Variants in PIPOX observed in about 807,000 individuals in gnomAD.
The protein encoded by PIPOX is pipecolic acid and sarcosine oxidase, also known as peroxisomal sarcosine oxidase.
PIPOX carries 45 observed loss-of-function variants against 47.9 expected under a neutral mutation model. The observed-to-expected ratio is 0.94, with a 90% CI of 0.74 to 1.20. PIPOX has a LOEUF of 1.20. Among genes scored for constraint, PIPOX ranks in the 50% most tolerant of loss-of-function variants. The pLI is 0.00. For missense variants in PIPOX, 458 were observed against 498.4 expected (o/e 0.92, Z 0.77); for synonymous variants, 165 against 191.3 (o/e 0.86, Z 1.13).
chr17:29,046,149 G>A (rs931371831), intron 2 of PIPOX, among the ~76,000 whole-genome samples: 2 of 152,158 alleles, frequency 1.3e-5, no homozygotes, highest in African/African-American at 4.8e-5. Context: ...ATCAGCCAGG[G>A]CAGCTAATTA....
At chr17:29,044,732 A>G (rs1473219388) in intron 1 of PIPOX, 127 bp from the exon 2 acceptor site, 1 of 980,298 alleles carries the variant, frequency 1.0e-6, no homozygotes, top group African/African-American at 1.6e-5. Context: ...ATCCTTCCCC[A>G]GATTGTGTGG....
intron 3 of PIPOX, 131 bp from the exon 4 acceptor site, chr17:29,053,282 G>A: frequency 8.5e-7 from 1 of 1,183,302 alleles, no homozygotes; most frequent in East Asian, 2.4e-5. Flanking sequence ...TGAAATATAT[G>A]CGGCTGGCCT....
Position 29,053,059 on chromosome 17 carries a change from C to T in PIPOX, c.403C>T (p.Pro135Ser). Residue 135 changes from proline (P) to serine (S), a missense_variant, in exon 3 of 8, where the codon CCC becomes TCC. By Grantham distance (74) the Pro-to-Ser change is moderately conservative. Coordinates refer to ENST00000323372, the MANE Select transcript of PIPOX (RefSeq NM_016518.3). ...GCAACGTTTCCCAAATATTCGGTTG[C>T]CCAGGGGAGAAGTGGGGCTCTTGGA... Reference protein sequence around the residue: ...LKQRFPNIRLPRGEVGLLDNS... With the variant: ...LKQRFPNIRLSRGEVGLLDNS... 6.2e-7 allele frequency: 1 copy of T among 1,614,232 alleles called. No individual in the cohort carries two copies. Among genetic ancestry groups the T allele is most frequent in the South Asian group, 1.1e-5 (1 of 91,088 alleles).
At chr17:29,053,306 C>G in intron 3 of PIPOX, 107 bp from the exon 4 acceptor site, 6 of 1,266,964 alleles carry the variant, frequency 4.7e-6, no homozygotes, top group South Asian at 1.4e-5. Context: ...CAATACAGGA[C>G]AGGTCTAGAT....
Position 29,044,858 on chromosome 17 carries a change from G to A in PIPOX, c.115-1G>A, listed in dbSNP as rs749435166. On this transcript the variant is annotated splice_acceptor_variant, in intron 1 of 7. Coordinates refer to ENST00000323372, the MANE Select transcript of PIPOX (RefSeq NM_016518.3). LOFTEE classifies it high-confidence loss of function. ...TCATCTCTCTTGTTTTCCACTTCCA[G>A]TTCTTTCTACCACACTCCCGAGGAA... 2 of 1,609,696 alleles carry A rather than the reference G, an allele frequency of 1.2e-6. No homozygotes were observed. The highest frequency in any genetic ancestry group is 1.1e-5 in the South Asian group (1 of 90,384).
intron 2 of PIPOX, among the ~76,000 whole-genome samples, chr17:29,048,218 T>C (rs1399576397): frequency 6.6e-6 from 1 of 152,248 alleles, no homozygotes; most frequent in Non-Finnish European, 1.5e-5. Flanking sequence ...TTACTGATTC[T>C]TATTTTCTAA....
At chr17:29,052,063 G>A (rs1387122621) in intron 2 of PIPOX, 3 of 470,680 alleles carry the variant, frequency 6.4e-6, no homozygotes, top group Non-Finnish European at 1.3e-5. Context: ...ACTAGAGACA[G>A]AGCCAGATCT....
chr17:29,051,706 G>C (rs1328619045), intron 2 of PIPOX, among the ~76,000 whole-genome samples: 1 of 151,944 alleles, frequency 6.6e-6, no homozygotes, highest in Non-Finnish European at 1.5e-5. Flanking sequence ...GGGAGGTACA[G>C]GGAGAAACAA....
At chr17:29,046,828 A>G (rs2065787215) in intron 2 of PIPOX, 1 of 907,022 alleles carries the variant, frequency 1.1e-6, no homozygotes, top group Non-Finnish European at 1.3e-6. Flanking sequence ...TGTGGTTTGG[A>G]ACGAGCTGTT....
intron 1 of PIPOX, among the ~76,000 whole-genome samples, chr17:29,043,551 A>T (rs138162803): frequency 2.6e-5 from 4 of 152,132 alleles, no homozygotes; most frequent in African/African-American, 9.7e-5. Flanking sequence ...TTCTAGGCAC[A>T]TTTCCTCTTT....
At chr17:29,054,043 G>A (rs2152698900) in intron 4 of PIPOX, among the ~76,000 whole-genome samples, 1 of 152,142 alleles carries the variant, frequency 6.6e-6, no homozygotes, top group Non-Finnish European at 1.5e-5. Context: ...TTAGCCAGGT[G>A]TAGTGGCGTG....
intron 2 of PIPOX, among the ~76,000 whole-genome samples, chr17:29,047,316 A>T (rs578114094): frequency 6.6e-6 from 1 of 152,298 alleles, no homozygotes; most frequent in Non-Finnish European, 1.5e-5. Flanking sequence ...AAGAAAAGAA[A>T]AGAAAAGAAA....
chr17:29,054,032 A>AT (rs1454038251), intron 4 of PIPOX, among the ~76,000 whole-genome samples: 1 of 152,062 alleles, frequency 6.6e-6, no homozygotes, highest in Non-Finnish European at 1.5e-5. Flanking sequence ...ACTAAGAAAA[A>AT]TTAGCCAGGT....
intron 2 of PIPOX, chr17:29,046,758 A>T: frequency 1.0e-6 from 1 of 985,364 alleles, no homozygotes; most frequent in Non-Finnish European, 1.2e-6. Context: ...GAGGACAGGA[A>T]TTTGGACGGG....
chr17:29,049,072 A>T (rs1333426087), intron 2 of PIPOX, among the ~76,000 whole-genome samples: 1 of 152,076 alleles, frequency 6.6e-6, no homozygotes, highest in Admixed American at 6.6e-5. Flanking sequence ...TCCCTACATC[A>T]TATCTGAGGC....
intron 3 of PIPOX, 79 bp downstream of exon 3, chr17:29,053,212 C>T (rs112066363): frequency 4.9e-6 from 7 of 1,415,582 alleles, no homozygotes; most frequent in Middle Eastern, 2.4e-4. Flanking sequence ...AGCCCAAGAC[C>T]CCCCTCTGGA....
In PIPOX at chr17:29,053,422, C is replaced by G; in HGVS notation, c.487C>G (p.Arg163Gly). Residue 163 changes from arginine (R) to glycine (G), a missense_variant, in exon 4 of 8, where the codon CGA becomes GGA. Physicochemically the swap from Arg to Gly is moderately radical, Grantham distance 125. Transcript: ENST00000323372. ...KALRALQDAI[R>G]QLGGIVRDGE... ...GCTCCTGCCCTTTCAGGATGCAATT[C>G]GACAGCTAGGAGGCATAGTGCGTGA... The G allele has an allele frequency of 2.5e-6, 4 of 1,608,964 alleles. No homozygotes were observed. The highest frequency in any genetic ancestry group is 3.4e-6 in the Non-Finnish European group (4 of 1,176,294).
chr17:29,043,375 C>T, intron 1 of PIPOX, 36 bp downstream of exon 1: 1 of 1,451,858 alleles, frequency 6.9e-7, no homozygotes, highest in Middle Eastern at 1.8e-4. Flanking sequence ...GCTGTAAGGA[C>T]TGTCCTACCC....
In PIPOX at chr17:29,056,217, A is replaced by T; in HGVS notation, c.1085A>T (p.Tyr362Phe). 6.2e-7 allele frequency: 1 copy of T among 1,614,148 alleles called. No individual in the cohort carries two copies. The highest frequency in any genetic ancestry group is 8.5e-7 in the Non-Finnish European group (1 of 1,180,010). ...KLAPVVGKIL[Y>F]ELSMKLTPSY... ...GCCCCTGTGGTGGGGAAGATCCTGT[A>T]TGAATTAAGCATGAAATTAACACCA... The change falls in exon 8 of 8, where the codon TAT (tyrosine) becomes TTT (phenylalanine). Residue 362 changes from tyrosine to phenylalanine, a missense_variant. Coordinates refer to ENST00000323372, the MANE Select transcript of PIPOX (RefSeq NM_016518.3).
Sources: allele counts gnomAD v4.1 joint callset (sites outside exome capture counted in the v4.1 genomes callset), GRCh38; gene constraint gnomAD v4.1.1; transcripts MANE v1.5; gene names NCBI Gene and HGNC (gene_info 2026-07-23, HGNC 2026-07-21).